The following IRF2BP2 variants were observed in gnomAD, a reference collection of about 807,000 sequenced individuals.
IRF2BP2 encodes interferon regulatory factor 2-binding protein 2.
IRF2BP2 carries 13 observed loss-of-function variants against 32.7 expected under a neutral mutation model. That is an observed-to-expected ratio of 0.40 (90% CI 0.26 to 0.63). The LOEUF (loss-of-function observed/expected upper bound fraction) is 0.63. Ranked by LOEUF, IRF2BP2 falls within the 30% of genes least tolerant of loss-of-function variation. The pLI, the probability that IRF2BP2 is intolerant of heterozygous loss-of-function variation, is 0.42. For missense variants in IRF2BP2, 980 were observed against 830.6 expected (o/e 1.18, Z -2.21); for synonymous variants, 555 against 384.6 (o/e 1.44, Z -5.18).
rs991215246 is a variant in IRF2BP2 at position 234,606,052 on chromosome 1, G to C, written c.*1085C>G. The C allele has an allele frequency of 2.6e-5, 4 of 152,220 alleles. No individual in the cohort carries two copies. The highest frequency in any genetic ancestry group is 5.9e-5 in the Non-Finnish European group (4 of 68,050). 9.4% of individuals were successfully genotyped at this position (152,220 alleles called of 1,614,324 possible). ...CCAAGGGCAGTCCTGGCAGCACCAC[G>C]CGGCTGTTACTGTCATTGTACCATA... On this transcript the variant is annotated 3_prime_UTR_variant, in exon 2 of 2. Coordinates refer to ENST00000366609, the MANE Select transcript of IRF2BP2 (RefSeq NM_182972.3).
At position 234,608,450 on chromosome 1, in the gene IRF2BP2, C is replaced by T. The variant is rs1052817071; in HGVS notation, c.1045G>A (p.Ala349Thr). The change falls in exon 1 of 2, where the codon GCA becomes ACA. Residue 349 changes from alanine (A) to threonine (T), a missense_variant. By Grantham distance (58) the Ala-to-Thr change is moderately conservative. Coordinates refer to ENST00000366609, the MANE Select transcript of IRF2BP2 (RefSeq NM_182972.3). ...CTCACTTCACAGCCGCCCCTACCTGCTTTAGACCCGTTGGCCCCGTTGGCC... is the reference window on the plus strand; with the variant it reads ...CTCACTTCACAGCCGCCCCTACCTGTTTTAGACCCGTTGGCCCCGTTGGCC... ...FEANGANGSK[A>T]VARTARKRKP... is the part of the protein sequence containing the mutation. 2 of 1,572,396 alleles carry T rather than the reference C, an allele frequency of 1.3e-6. No individual in the cohort carries two copies. Among genetic ancestry groups the T allele is most frequent in the South Asian group, 1.2e-5 (1 of 84,540 alleles).
chr1:234,609,589 C>G lies in IRF2BP2; in HGVS notation c.-95G>C, dbSNP rs1209825531. ...CGGCACCACGCGCGCCCTCCTCCCC[C>G]CCCAACCCCGCGTCTCCCCCACCAG... On this transcript the variant is annotated 5_prime_UTR_variant, in exon 1 of 2. Coordinates refer to ENST00000366609, the MANE Select transcript of IRF2BP2 (RefSeq NM_182972.3). 6 of 642,574 alleles carry G rather than the reference C, an allele frequency of 9.3e-6. No individual in the cohort carries two copies. The African/African-American group carries it at 1.2e-4, about 12-fold the overall frequency. 39.8% of individuals were successfully genotyped at this position (642,574 alleles called of 1,614,324 possible).
In IRF2BP2 at chr1:234,606,891, G is replaced by C. The variant is rs928445991; in HGVS notation, c.*246C>G. ...TACATAGAACGGTAACTGTCACCAG[G>C]ATAATAAAGCACAAAGATATGCTAA... is the stretch of plus-strand genomic sequence containing the variant. On this transcript the variant is annotated 3_prime_UTR_variant, in exon 2 of 2. Transcript: ENST00000366609. 8.9e-5 allele frequency: 31 copies of C among 349,892 alleles called. No homozygotes were observed. The highest frequency in any genetic ancestry group is 6.0e-4 in the African/African-American group (29 of 48,152). 21.7% of individuals were successfully genotyped at this position (349,892 alleles called of 1,614,324 possible). A position where few individuals can be genotyped will look rare whatever the true frequency, so the allele number is the denominator to read the frequency against.
Position 234,607,090 on chromosome 1 carries a change from C to T in IRF2BP2, c.*47G>A. On this transcript the variant is annotated 3_prime_UTR_variant, in exon 2 of 2. Transcript: ENST00000366609. ...TATGGAGATATATATACAATTCAAG[C>T]AGTTTTAATTAAGGGTAATCATTGG... 7.7e-7 allele frequency: 1 copy of T among 1,306,192 alleles called. No individual in the cohort carries two copies. Among genetic ancestry groups the T allele is most frequent in the Non-Finnish European group, 1.1e-6 (1 of 921,100 alleles). The allele number at this position is 1,306,192 out of a possible 1,614,324, so 80.9% of individuals were successfully genotyped here.
At chr1:234,608,141 T>C (rs1672218188) in intron 1 of IRF2BP2, 3 of 534,098 alleles carry the variant, frequency 5.6e-6, no homozygotes, top group Admixed American at 7.0e-5. Context: ...GCACTCAACA[T>C]GTGACTGCTA....
chr1:234,609,119 G>C lies in IRF2BP2; in HGVS notation c.376C>G (p.Pro126Ala). 8.1e-7 allele frequency: 1 copy of C among 1,227,204 alleles called. No individual in the cohort carries two copies. Among genetic ancestry groups the C allele is most frequent in the Non-Finnish European group, 1.0e-6 (1 of 986,080 alleles). The allele number at this position is 1,227,204 out of a possible 1,614,324, so 76.0% of individuals were successfully genotyped here. The change falls in exon 1 of 2, where the codon CCC (proline) becomes GCC (alanine). Residue 126 changes from proline (P) to alanine (A), a missense_variant. By Grantham distance (27) the Pro-to-Ala change is conservative. Transcript: ENST00000366609. ...CCGAAGTCAGAGCCGAGGCGCGGGG[G>C]CCTCTCGGCCGCGGCCGCCAACGGG... The part of the protein sequence containing the change: ...RYPLAAAAER[P>A]PRLGSDFGSS...
chr1:234,607,725 A>C lies in IRF2BP2; in HGVS notation c.1176T>G (p.Thr392=). 2 of 1,614,048 alleles carry C rather than the reference A, an allele frequency of 1.2e-6. No homozygotes were observed. Among genetic ancestry groups the C allele is most frequent in the Non-Finnish European group, 1.7e-6 (2 of 1,180,008 alleles). ...GCGGAGACACAAAAGAGGATGTAGG[A>C]GTCATGGGGATCTTGAGCCCCTCTG... The part of the protein sequence containing the change: ...TSTEGLKIPM[T]PTSSFVSPPP... The change falls in exon 2 of 2, where the codon ACT becomes ACG. Residue 392 remains threonine, a synonymous_variant. Transcript: ENST00000366609.
chr1:234,608,119 G>A (rs1008740147), intron 1 of IRF2BP2: 4 of 540,248 alleles, frequency 7.4e-6, no homozygotes, highest in East Asian at 3.0e-5. Flanking sequence ...ATGCACAAAA[G>A]TACCCTCGTT....
At chr1:234,607,993 G>A (rs1672214315) in intron 1 of IRF2BP2, 141 bp from the exon 2 acceptor site, 10 of 666,408 alleles carry the variant, frequency 1.5e-5, no homozygotes, top group Middle Eastern at 4.1e-4. Flanking sequence ...ACTCATATAC[G>A]AGTTTCAGGT....
Position 234,605,723 on chromosome 1 carries a change from C to A in IRF2BP2, c.*1414G>T, listed in dbSNP as rs1672143542. The A allele has an allele frequency of 6.6e-6, 1 of 152,102 alleles. No homozygotes were observed. Among genetic ancestry groups the A allele is most frequent in the African/African-American group, 2.4e-5 (1 of 41,410 alleles). The allele number at this position is 152,102 out of a possible 1,614,324, so 9.4% of individuals were successfully genotyped here. On this transcript the variant is annotated 3_prime_UTR_variant, in exon 2 of 2. Transcript: ENST00000366609. Reference sequence around the variant, plus strand: ...TGTTCCTGTCAATGTTAAATCATAACAGCACAAAAGAAAAACCAGTATCAC... The same window carrying A: ...TGTTCCTGTCAATGTTAAATCATAAAAGCACAAAAGAAAAACCAGTATCAC...
rs765235768 is a variant in IRF2BP2 at position 234,607,783 on chromosome 1, T to A, written c.1118A>T (p.Asn373Ile). ...PEGEVGPPKI[N>I]GEAQPWLSTS... ...GGACAGCCACGGCTGGGCCTCTCCG[T>A]TGATCTTAGGGGGCCCGACTTCACC... Residue 373 changes from asparagine (N) to isoleucine (I), a missense_variant, in exon 2 of 2, where the codon AAC becomes ATC. Asn to Ile is a moderately radical substitution (Grantham distance 149, BLOSUM62 -3). Coordinates refer to ENST00000366609, the MANE Select transcript of IRF2BP2 (RefSeq NM_182972.3). 19 of 1,613,464 alleles carry A rather than the reference T, an allele frequency of 1.2e-5. No homozygotes were observed. The highest frequency in any genetic ancestry group is 1.6e-5 in the Non-Finnish European group (19 of 1,179,676).
Position 234,609,118 on chromosome 1 carries a change from G to A in IRF2BP2, c.377C>T (p.Pro126Leu). 4.1e-6 allele frequency: 5 copies of A among 1,227,262 alleles called. No individual in the cohort carries two copies. Among genetic ancestry groups the A allele is most frequent in the Non-Finnish European group, 5.1e-6 (5 of 986,132 alleles). The allele number at this position is 1,227,262 out of a possible 1,614,324, so 76.0% of individuals were successfully genotyped here. ...GCCGAAGTCAGAGCCGAGGCGCGGG[G>A]GCCTCTCGGCCGCGGCCGCCAACGG... ...RYPLAAAAER[P>L]PRLGSDFGSS... Residue 126 changes from proline to leucine, a missense_variant, in exon 1 of 2, where the codon CCC becomes CTC. Coordinates refer to ENST00000366609, the MANE Select transcript of IRF2BP2 (RefSeq NM_182972.3).
rs763707638 is a variant in IRF2BP2 at position 234,608,652 on chromosome 1, C to G, written c.843G>C (p.Glu281Asp). 1.3e-6 allele frequency: 2 copies of G among 1,540,702 alleles called. No individual in the cohort carries two copies. The highest frequency in any genetic ancestry group is 8.7e-7 in the Non-Finnish European group (1 of 1,152,328). ...DSLSTAAGAA[E>D]LSAEGAGKSR... is the part of the protein sequence containing the mutation. ...TCTTGCCCGCACCTTCCGCGCTCAG[C>G]TCGGCGGCCCCGGCCGCGGTGGACA... The change falls in exon 1 of 2, where the codon GAG becomes GAC. Residue 281 changes from glutamate to aspartate, a missense_variant. Physicochemically the swap from Glu to Asp is conservative, Grantham distance 45. Coordinates refer to ENST00000366609, the MANE Select transcript of IRF2BP2 (RefSeq NM_182972.3).
rs1384296007 is a variant in IRF2BP2, at chr1:234,607,353, G to C, written c.1548C>G (p.Thr516=). The C allele has an allele frequency of 2.5e-6, 4 of 1,614,066 alleles. No individual in the cohort carries two copies. The highest frequency in any genetic ancestry group is 1.3e-5 in the African/African-American group (1 of 74,930). Reference sequence around the variant, plus strand: ...GGACGGACGGGCACTGCACAAAATGGGTGTCCTCCAGCCGCTCGTGGCAGA... The same window carrying C: ...GGACGGACGGGCACTGCACAAAATGCGTGTCCTCCAGCCGCTCGTGGCAGA... The part of the protein sequence containing the change: ...CTLCHERLED[T]HFVQCPSVPS... Residue 516 remains threonine, a synonymous_variant, in exon 2 of 2, where the codon ACC becomes ACG. Transcript: ENST00000366609.
Position 234,608,477 on chromosome 1 carries a change from C to G in IRF2BP2, c.1018G>C (p.Glu340Gln), listed in dbSNP as rs764630564. Residue 340 changes from glutamate to glutamine, a missense_variant, in exon 1 of 2, where the codon GAG becomes CAG. By Grantham distance (29) the Glu-to-Gln change is conservative (BLOSUM62 2). Coordinates refer to ENST00000366609, the MANE Select transcript of IRF2BP2 (RefSeq NM_182972.3). Reference sequence around the variant, plus strand: ...TTAGACCCGTTGGCCCCGTTGGCCTCGAAACCCAACAACCTGCCTGCAGTC... The same window carrying G: ...TTAGACCCGTTGGCCCCGTTGGCCTGGAAACCCAACAACCTGCCTGCAGTC... Reference protein sequence around the residue: ...ALTAGRLLGFEANGANGSKAV... With the variant: ...ALTAGRLLGFQANGANGSKAV... 1 of 1,597,702 alleles carries G rather than the reference C, an allele frequency of 6.3e-7. No homozygotes were observed. Among genetic ancestry groups the G allele is most frequent in the Non-Finnish European group, 8.5e-7 (1 of 1,170,780 alleles).
rs201835390 is a variant in IRF2BP2 at position 234,607,567 on chromosome 1, T to C, written c.1334A>G (p.Asn445Ser). Reference sequence around the variant, plus strand: ...CCTCCTGGTAGTGGAGTGAACCTGGTTGGCATCTTTTGAGGCATGACTGCC... The same window carrying C: ...CCTCCTGGTAGTGGAGTGAACCTGGCTGGCATCTTTTGAGGCATGACTGCC... ...AGGSHASKDA[N>S]QVHSTTRRNS... is the part of the protein sequence containing the mutation. The change falls in exon 2 of 2, where the codon AAC becomes AGC. Residue 445 changes from asparagine to serine, a missense_variant. Physicochemically the swap from Asn to Ser is conservative, Grantham distance 46. Coordinates refer to ENST00000366609, the MANE Select transcript of IRF2BP2 (RefSeq NM_182972.3). The C allele has an allele frequency of 1.2e-5, 20 of 1,614,204 alleles. No homozygotes were observed. The highest frequency in any genetic ancestry group is 1.0e-5 in the Non-Finnish European group (12 of 1,180,032).
In IRF2BP2 at chr1:234,606,241, A is replaced by T. The variant is rs1444259790; in HGVS notation, c.*896T>A. The T allele has an allele frequency of 6.6e-6, 1 of 152,260 alleles. No individual in the cohort carries two copies. Among genetic ancestry groups the T allele is most frequent in the Admixed American group, 6.5e-5 (1 of 15,280 alleles). 9.4% of individuals were successfully genotyped at this position (152,260 alleles called of 1,614,324 possible). A position where few individuals can be genotyped will look rare whatever the true frequency, so the allele number is the denominator to read the frequency against. On this transcript the variant is annotated 3_prime_UTR_variant, in exon 2 of 2. Coordinates refer to ENST00000366609, the MANE Select transcript of IRF2BP2 (RefSeq NM_182972.3). ...TTGCAACTCTTTCAAAATAAAGGACAACAGCAACAACAAACAGACCTCTAG... is the reference window on the plus strand; with the variant it reads ...TTGCAACTCTTTCAAAATAAAGGACTACAGCAACAACAAACAGACCTCTAG...
rs190835584 is a variant in IRF2BP2 at position 234,605,135 on chromosome 1, G to A, written c.*2002C>T. ...ATAGCTACCACAAATTAGGTCAAAC[G>A]ACTGATCAAGTTGTAACATCTGTGA... On this transcript the variant is annotated 3_prime_UTR_variant, in exon 2 of 2. Transcript: ENST00000366609. 1.3e-5 allele frequency: 2 copies of A among 148,328 alleles called. No individual in the cohort carries two copies. Among genetic ancestry groups the A allele is most frequent in the South Asian group, 2.1e-4 (1 of 4,696 alleles). 9.2% of individuals were successfully genotyped at this position (148,328 alleles called of 1,614,324 possible).
At chr1:234,608,142 G>A (rs748862219) in intron 1 of IRF2BP2, 59 of 534,194 alleles carry the variant, frequency 1.1e-4, no homozygotes, top group Non-Finnish European at 1.7e-4. Flanking sequence ...CACTCAACAT[G>A]TGACTGCTAA....
Sources: allele counts gnomAD v4.1 joint callset, GRCh38; gene constraint gnomAD v4.1.1; transcripts MANE v1.5; gene names NCBI Gene and HGNC (gene_info 2026-07-23, HGNC 2026-07-21).